IQGAP1: variants seen among roughly 807,000 people sequenced by gnomAD.
IQGAP1 encodes ras GTPase-activating-like protein IQGAP1.
In IQGAP1, 66 loss-of-function variants were observed where a neutral mutation model predicts 215.6. That is an observed-to-expected ratio of 0.31 (90% CI 0.25 to 0.38). IQGAP1 has a LOEUF of 0.38. Among genes scored for constraint, IQGAP1 ranks in the 10% least tolerant of loss-of-function variants. The probability of loss-of-function intolerance (pLI) is 1.00; values close to 1 mark genes in which losing one functional copy is unlikely to be tolerated. For missense variants in IQGAP1, 1,712 were observed against 1,997.1 expected, an observed-to-expected ratio of 0.86 and a Z score of 2.72; for synonymous variants, 772 against 728.7, an observed-to-expected ratio of 1.06 and a Z score of -0.96.
Position 90,476,719 on chromosome 15 carries a change from T to TATG in IQGAP1, c.2850_2852dup (p.Met950dup). On this transcript the variant is annotated inframe_insertion, in exon 24 of 38. Coordinates refer to ENST00000268182, the MANE Select transcript of IQGAP1 (RefSeq NM_003870.4). Reference sequence around the variant, plus strand: ...AAAAAAATAAGGAACAGTTGTCTGATATGATGATGATAAATAAACAGAAGG... The same window carrying TATG: ...AAAAAAATAAGGAACAGTTGTCTGATATGATGATGATGATAAATAAACAGAAGG... The TATG allele has an allele frequency of 6.2e-7, 1 of 1,604,534 alleles. No individual in the cohort carries two copies. The highest frequency in any genetic ancestry group is 8.5e-7 in the Non-Finnish European group (1 of 1,177,592).
intron 26 of IQGAP1, among the ~76,000 whole-genome samples, chr15:90,479,299 T>A (rs1040020466): frequency 1.3e-5 from 2 of 152,198 alleles, no homozygotes; most frequent in African/African-American, 4.8e-5. Flanking sequence ...ATTGTCTTTA[T>A]CTTGTCTTTG....
chr15:90,400,628 A>C (rs1012739152), intron 2 of IQGAP1, among the ~76,000 whole-genome samples: 3 of 152,210 alleles, frequency 2.0e-5, no homozygotes, highest in Non-Finnish European at 2.9e-5. Flanking sequence ...TCCACCAGTC[A>C]AGGTTGGGGA....
Position 90,406,677 on chromosome 15 carries a change from C to T in IQGAP1, c.155+15804C>T, listed in dbSNP as rs375676138. 8.5e-5 allele frequency among the ~76,000 whole-genome samples: 13 copies of T among 152,218 alleles called. No individual in the cohort carries two copies. In the East Asian group the frequency reaches 9.6e-4, roughly 11 times the overall value. Reference sequence around the variant, plus strand: ...ACATTTTTATTGGGACTTACTAGGGCGTCAGTGATGTGTCAGTGAAGTTAG... The same window carrying T: ...ACATTTTTATTGGGACTTACTAGGGTGTCAGTGATGTGTCAGTGAAGTTAG... On this transcript the variant is annotated intron_variant, in intron 2 of 37. Coordinates refer to ENST00000268182, the MANE Select transcript of IQGAP1 (RefSeq NM_003870.4).
chr15:90,459,115 C>G (rs931498916), intron 15 of IQGAP1, among the ~76,000 whole-genome samples: 12 of 152,310 alleles, frequency 7.9e-5, no homozygotes, highest in African/African-American at 2.6e-4. Context: ...CGCTTGCTGC[C>G]TCACTTCAGG....
At chr15:90,401,053 G>A (rs1425976293) in intron 2 of IQGAP1, among the ~76,000 whole-genome samples, 2 of 152,182 alleles carry the variant, frequency 1.3e-5, no homozygotes, top group Non-Finnish European at 2.9e-5. Context: ...TACTGTGGTT[G>A]TTTGCTTAAC....
chr15:90,460,679 G>A (rs1965748342), intron 15 of IQGAP1, among the ~76,000 whole-genome samples: 1 of 152,054 alleles, frequency 6.6e-6, no homozygotes, highest in Non-Finnish European at 1.5e-5. Context: ...TCCAATTTCT[G>A]CAAGCCTTTG....
intron 9 of IQGAP1, among the ~76,000 whole-genome samples, chr15:90,444,382 A>C (rs1965497976): frequency 6.6e-6 from 1 of 151,874 alleles, no homozygotes; most frequent in East Asian, 1.9e-4. Context: ...CTTGGGCTCA[A>C]ACCATCCTTC....
At chr15:90,397,147 C>T (rs976169994) in intron 2 of IQGAP1, among the ~76,000 whole-genome samples, 1 of 152,164 alleles carries the variant, frequency 6.6e-6, no homozygotes, top group Non-Finnish European at 1.5e-5. Context: ...AGCCACTGCA[C>T]CCAGCCTAGC....
chr15:90,473,663 TCCA>T, intron 19 of IQGAP1, 49 bp from the exon 20 acceptor site: 1 of 1,331,736 alleles, frequency 7.5e-7, no homozygotes, highest in Admixed American at 1.9e-5. Context: ...TTTTTTAACT[TCCA>T]TTGATGCTTG....
At chr15:90,396,501 A>G (rs1218181415) in intron 2 of IQGAP1, among the ~76,000 whole-genome samples, 3 of 152,256 alleles carry the variant, frequency 2.0e-5, no homozygotes, top group East Asian at 3.9e-4. Flanking sequence ...TGACTAAAGG[A>G]CCATAGCATG....
chr15:90,475,279 G>T (rs571678343), intron 23 of IQGAP1, among the ~76,000 whole-genome samples: 1 of 151,932 alleles, frequency 6.6e-6, no homozygotes, highest in Non-Finnish European at 1.5e-5. Context: ...GATTACAGGC[G>T]TGAGCCACGA....
chr15:90,484,081 A>G (rs1966093647), intron 29 of IQGAP1, 139 bp from the exon 30 acceptor site: 1 of 740,446 alleles, frequency 1.4e-6, no homozygotes, highest in East Asian at 2.6e-5. Flanking sequence ...AAGCACAGCA[A>G]ACACACAGCA....
At chr15:90,488,142 A>G (rs1028534885) in intron 33 of IQGAP1, among the ~76,000 whole-genome samples, 1 of 152,110 alleles carries the variant, frequency 6.6e-6, no homozygotes, top group African/African-American at 2.4e-5. Context: ...AATGGCATGT[A>G]CCCAGGAGGC....
At chr15:90,468,868 A>C (rs1242619407) in intron 18 of IQGAP1, among the ~76,000 whole-genome samples, 1 of 152,130 alleles carries the variant, frequency 6.6e-6, no homozygotes, top group Non-Finnish European at 1.5e-5. Flanking sequence ...TCAGTCCTCC[A>C]AGCACACCCA....
chr15:90,394,114 A>G (rs1354971842), intron 2 of IQGAP1, among the ~76,000 whole-genome samples: 1 of 128,456 alleles, frequency 7.8e-6, no homozygotes, highest in Non-Finnish European at 1.5e-5. Context: ...CAGCCTGGGC[A>G]TCAAGAGTAA....
At position 90,453,121 on chromosome 15, in the gene IQGAP1, T is replaced by C; in HGVS notation, c.1327-11T>C. On this transcript the variant is annotated splice_polypyrimidine_tract_variant and intron_variant, in intron 12 of 37. Coordinates refer to ENST00000268182, the MANE Select transcript of IQGAP1 (RefSeq NM_003870.4). ...TCCTCACTGTTTTCCCTTCTGTCCCTTTCTGTACAGCATAATCTCACCCAC... is the reference window on the plus strand; with the variant it reads ...TCCTCACTGTTTTCCCTTCTGTCCCCTTCTGTACAGCATAATCTCACCCAC... The C allele has an allele frequency of 6.2e-7, 1 of 1,604,636 alleles. No individual in the cohort carries two copies. The highest frequency in any genetic ancestry group is 8.5e-7 in the Non-Finnish European group (1 of 1,176,040).
At chr15:90,394,795 T>C (rs1218297042) in intron 2 of IQGAP1, among the ~76,000 whole-genome samples, 1 of 99,372 alleles carries the variant, frequency 1.0e-5, no homozygotes, top group Non-Finnish European at 1.9e-5. Context: ...CTATTTATAA[T>C]ACCTCTACTT....
chr15:90,444,282 TATATA>T (rs1398486973), intron 9 of IQGAP1, among the ~76,000 whole-genome samples: 45 of 97,434 alleles, frequency 4.6e-4, no homozygotes, highest in African/African-American at 2.1e-3. Flanking sequence ...TGTGTGTGTA[TATATA>T]TATTTTTTTT....
intron 2 of IQGAP1, among the ~76,000 whole-genome samples, chr15:90,407,719 A>AT (rs376600186): frequency 1.3e-5 from 2 of 152,082 alleles, no homozygotes; most frequent in African/African-American, 4.8e-5. Context: ...TCCATTGCTC[A>AT]TTTTTTCTAA....
Sources: gnomAD v4.1 joint callset for allele counts (sites outside exome capture counted in the v4.1 genomes callset) on GRCh38, gnomAD v4.1.1 for gene constraint, MANE v1.5 for transcripts, NCBI Gene and HGNC (gene_info 2026-07-23, HGNC 2026-07-21) for gene names.